Variants in B3GALNT1 observed in about 807,000 individuals in gnomAD.
B3GALNT1 encodes the protein UDP-GalNAc:beta-1,3-N-acetylgalactosaminyltransferase 1.
In B3GALNT1, 17 loss-of-function variants were observed where a neutral mutation model predicts 27.3. The observed-to-expected ratio is 0.62, with a 90% CI of 0.43 to 0.94. The LOEUF (loss-of-function observed/expected upper bound fraction) is 0.94. Ranked by LOEUF, B3GALNT1 falls within the 40% of genes least tolerant of loss-of-function variation. B3GALNT1 has a pLI of 0.00. For synonymous variants in B3GALNT1, 141 were observed against 144.0 expected (o/e 0.98, Z 0.15); for missense variants, 347 against 390.0 (o/e 0.89, Z 0.93).
intron 4 of B3GALNT1, among the ~76,000 whole-genome samples, chr3:161,098,918 G>A (rs1301239824): frequency 6.6e-6 from 1 of 152,152 alleles, no homozygotes; most frequent in Non-Finnish European, 1.5e-5. Context: ...AGAAGATCAA[G>A]GTAACTCGCA....
chr3:161,094,143 A>T (rs1726830704), intron 4 of B3GALNT1, among the ~76,000 whole-genome samples: 1 of 152,180 alleles, frequency 6.6e-6, no homozygotes, highest in Non-Finnish European at 1.5e-5. Context: ...TGGCTGCTAG[A>T]TCCCAGGGAG....
chr3:161,098,484 C>A (rs1172535535), intron 4 of B3GALNT1, among the ~76,000 whole-genome samples: 1 of 152,156 alleles, frequency 6.6e-6, no homozygotes, highest in Non-Finnish European at 1.5e-5. Flanking sequence ...GAGGCCAAGG[C>A]TGGCAGACTG....
intron 1 of B3GALNT1, 101 bp from the exon 2 acceptor site, chr3:161,104,507 C>G (rs1733209400): frequency 2.2e-6 from 1 of 451,254 alleles, no homozygotes; most frequent in Non-Finnish European, 3.8e-6. Flanking sequence ...CAAAGACTAC[C>G]CGTACTTGAG....
chr3:161,099,790 G>C (rs992249690), intron 4 of B3GALNT1, among the ~76,000 whole-genome samples: 1 of 151,562 alleles, frequency 6.6e-6, no homozygotes, highest in Non-Finnish European at 1.5e-5. Flanking sequence ...GTGAATACTA[G>C]ATTGTGTCCC....
rs955821295 is a variant in B3GALNT1 at position 161,084,431 on chromosome 3, A to G, written c.*1328T>C. The G allele has an allele frequency of 5.3e-5, 8 of 152,200 alleles. No individual in the cohort carries two copies. Among genetic ancestry groups the G allele is most frequent in the Non-Finnish European group, 8.8e-5 (6 of 68,024 alleles). The allele number at this position is 152,200 out of a possible 1,614,324, so 9.4% of individuals were successfully genotyped here. A position where few individuals can be genotyped will look rare whatever the true frequency, so the allele number is the denominator to read the frequency against. ...GAGCTGACTACATACTTTCAAGTTT[A>G]TATTTCCTGACAAAGGATATGACCT... On this transcript the variant is annotated 3_prime_UTR_variant, in exon 5 of 5. Coordinates refer to ENST00000320474, the MANE Select transcript of B3GALNT1 (RefSeq NM_003781.4).
intron 4 of B3GALNT1, among the ~76,000 whole-genome samples, chr3:161,090,235 A>T (rs1724320233): frequency 6.6e-6 from 1 of 152,222 alleles, no homozygotes; most frequent in African/African-American, 2.4e-5. Context: ...ACAGTATCAA[A>T]ATATATAAAG....
At chr3:161,102,815 G>A (rs1051198837) in intron 3 of B3GALNT1, among the ~76,000 whole-genome samples, 3 of 152,080 alleles carry the variant, frequency 2.0e-5, no homozygotes, top group Non-Finnish European at 4.4e-5. Context: ...GTTGTGAAAG[G>A]GACAAAGACA....
chr3:161,085,458 GT>G lies in B3GALNT1; in HGVS notation c.*300del. On this transcript the variant is annotated 3_prime_UTR_variant, in exon 5 of 5. Coordinates refer to ENST00000320474, the MANE Select transcript of B3GALNT1 (RefSeq NM_003781.4). ...TACAGCCTAGTGAGCTTATAACTCAGTAACACCCTTTTAAGAAATTCTAGTC... is the reference window on the plus strand; with the variant it reads ...TACAGCCTAGTGAGCTTATAACTCAGAACACCCTTTTAAGAAATTCTAGTC... 7.8e-6 allele frequency: 3 copies of G among 385,006 alleles called. No individual in the cohort carries two copies. The highest frequency in any genetic ancestry group is 1.4e-5 in the Non-Finnish European group (3 of 209,650). The allele number at this position is 385,006 out of a possible 1,614,324, so 23.8% of individuals were successfully genotyped here.
chr3:161,104,081 C>CA lies in B3GALNT1; in HGVS notation c.-221+237dup, dbSNP rs906122535. ...TTCAGGTCTGGAGTTATCCAATGGC[C>CA]ATTCATTTGAACGAACATTTTAGTC... On this transcript the variant is annotated intron_variant, in intron 2 of 4. Coordinates refer to ENST00000320474, the MANE Select transcript of B3GALNT1 (RefSeq NM_003781.4). 15 of 295,730 alleles carry CA rather than the reference C, an allele frequency of 5.1e-5. No homozygotes were observed. The Admixed American group carries it at 6.7e-4, about 13-fold the overall frequency. 18.3% of individuals were successfully genotyped at this position (295,730 alleles called of 1,614,324 possible).
intron 4 of B3GALNT1, among the ~76,000 whole-genome samples, chr3:161,089,440 G>C (rs1723770638): frequency 6.6e-6 from 1 of 152,094 alleles, no homozygotes; most frequent in African/African-American, 2.4e-5. Flanking sequence ...ACAAAAAGAT[G>C]TTTCATAGGA....
intron 4 of B3GALNT1, among the ~76,000 whole-genome samples, chr3:161,088,337 G>A (rs753524993): frequency 2.8e-4 from 42 of 152,172 alleles, no homozygotes; most frequent in Non-Finnish European, 5.6e-4. Context: ...TTGGTTCCAC[G>A]TATATGTGTC....
chr3:161,092,816 G>GAGT (rs1725995027), intron 4 of B3GALNT1, among the ~76,000 whole-genome samples: 1 of 139,692 alleles, frequency 7.2e-6, no homozygotes, highest in Non-Finnish European at 1.5e-5. Flanking sequence ...GCCCAGGCTG[G>GAGT]AGTGCAGTGG....
rs34493880 is a variant in B3GALNT1, at chr3:161,099,629, G to A, written c.-35+1510C>T. On this transcript the variant is annotated intron_variant, in intron 4 of 4. Transcript: ENST00000320474. Reference sequence around the variant, plus strand: ...ACAGAATTTTAGGACATTGGGCTAGGATACCTCTCAGGCACCATCTGGCCC... The same window carrying A: ...ACAGAATTTTAGGACATTGGGCTAGAATACCTCTCAGGCACCATCTGGCCC... Among the ~76,000 whole-genome samples the A allele has an allele frequency of 3.5e-3, 532 of 152,284 alleles. 3 individuals carry two copies. The highest frequency in any genetic ancestry group is 6.8e-3 in the Middle Eastern group (2 of 294).
In B3GALNT1 at chr3:161,103,531, C is replaced by T. The variant is rs1238812811; in HGVS notation, c.-220-14G>A. ...TGTTGTGAACTACTGAACAGAAGAA[C>T]AGAAAAAAATATATATGAGTCATAA... On this transcript the variant is annotated splice_polypyrimidine_tract_variant and intron_variant, in intron 2 of 4. Coordinates refer to ENST00000320474, the MANE Select transcript of B3GALNT1 (RefSeq NM_003781.4). The T allele has an allele frequency of 9.0e-7, 1 of 1,113,722 alleles. No individual in the cohort carries two copies. Among genetic ancestry groups the T allele is most frequent in the Non-Finnish European group, 1.2e-6 (1 of 842,768 alleles). The allele number at this position is 1,113,722 out of a possible 1,614,324, so 69.0% of individuals were successfully genotyped here.
At chr3:161,103,401 T>C (rs1290497519) in intron 3 of B3GALNT1, 26 bp downstream of exon 3, 3 of 1,116,096 alleles carry the variant, frequency 2.7e-6, no homozygotes, top group South Asian at 1.3e-5. Flanking sequence ...TAGGATAATT[T>C]ATAAGTTAAA....
intron 4 of B3GALNT1, among the ~76,000 whole-genome samples, chr3:161,098,402 A>C (rs1480071154): frequency 6.6e-6 from 1 of 152,138 alleles, no homozygotes; most frequent in East Asian, 1.9e-4. Context: ...TCAGAGGTGA[A>C]GAGTTGTCAG....
chr3:161,094,832 CAAT>C (rs1357691917), intron 4 of B3GALNT1, among the ~76,000 whole-genome samples: 2 of 152,274 alleles, frequency 1.3e-5, no homozygotes, highest in Non-Finnish European at 2.9e-5. Flanking sequence ...GCATTTGCCA[CAAT>C]GCCGGGCAAC....
In B3GALNT1 at chr3:161,091,473, G is replaced by A. The variant is rs140543445; in HGVS notation, c.-34-4685C>T. On this transcript the variant is annotated intron_variant, in intron 4 of 4. Transcript: ENST00000320474. ...GTTCTGAGTAATATGACAAAATCTC[G>A]CACCATCCTTCTCTGTCTCAGGTAG... 6.6e-5 allele frequency among the ~76,000 whole-genome samples: 10 copies of A among 152,068 alleles called. No homozygotes were observed. In the East Asian group the frequency reaches 9.7e-4, roughly 15 times the overall value.
intron 4 of B3GALNT1, among the ~76,000 whole-genome samples, chr3:161,089,531 T>G (rs2108250282): frequency 6.6e-6 from 1 of 152,300 alleles, no homozygotes; most frequent in East Asian, 1.9e-4. Context: ...AAAACTTCAT[T>G]TAAGAATGTA....
Sources: gnomAD v4.1 joint callset for allele counts (sites outside exome capture counted in the v4.1 genomes callset) on GRCh38, gnomAD v4.1.1 for gene constraint, MANE v1.5 for transcripts, NCBI Gene and HGNC (gene_info 2026-07-23, HGNC 2026-07-21) for gene names.